ADAMTS3: variants seen among roughly 807,000 people sequenced by gnomAD.
The protein encoded by ADAMTS3 is A disintegrin and metalloproteinase with thrombospondin motifs 3.
In ADAMTS3, 73 loss-of-function variants were observed where a neutral mutation model predicts 129.0. The observed-to-expected ratio is 0.57, with a 90% confidence interval of 0.47 to 0.69. ADAMTS3 has a LOEUF of 0.69. ADAMTS3 is among the 30% of genes least tolerant of loss of function. The pLI, the probability that ADAMTS3 is intolerant of heterozygous loss-of-function variation, is 0.00. For synonymous variants in ADAMTS3, 477 were observed against 510.8 expected, an observed-to-expected ratio of 0.93 and a Z score of 0.89; for missense variants, 1,457 against 1,514.5, an observed-to-expected ratio of 0.96 and a Z score of 0.63.
At chr4:72,317,858 C>A (rs185824765) in intron 10 of ADAMTS3, among the ~76,000 whole-genome samples, 20 of 151,980 alleles carry the variant, frequency 1.3e-4, no homozygotes, top group African/African-American at 4.8e-4. Flanking sequence ...AAAACCCCGT[C>A]TCTACTAAAA....
intron 4 of ADAMTS3, among the ~76,000 whole-genome samples, chr4:72,401,961 G>A (rs186823902): frequency 2.0e-5 from 3 of 152,072 alleles, no homozygotes; most frequent in Non-Finnish European, 4.4e-5. Flanking sequence ...AAATATTTAC[G>A]TAACAATAAT....
Position 72,304,020 on chromosome 4 carries a change from G to C in ADAMTS3, c.2321C>G (p.Ser774Trp). ...ILNGKGEEAKSRTFIDLGVEW... is the reference protein window; with the variant it reads ...ILNGKGEEAKWRTFIDLGVEW... ...CACACCAAGATCTATGAAGGTCCGCGACTTGGCTTCCTCCCCTTTGCCATT... is the reference window on the plus strand; with the variant it reads ...CACACCAAGATCTATGAAGGTCCGCCACTTGGCTTCCTCCCCTTTGCCATT... The change falls in exon 17 of 22, where the codon TCG (serine) becomes TGG (tryptophan). Residue 774 changes from serine (S) to tryptophan (W), a missense_variant. Transcript: ENST00000286657. The C allele has an allele frequency of 6.2e-7, 1 of 1,613,678 alleles. No individual in the cohort carries two copies. Among genetic ancestry groups the C allele is most frequent in the Non-Finnish European group, 8.5e-7 (1 of 1,179,716 alleles).
Position 72,339,495 on chromosome 4 carries a change from A to G in ADAMTS3, c.860T>C (p.Ile287Thr), listed in dbSNP as rs749461905. Residue 287 changes from isoleucine (I) to threonine (T), a missense_variant and splice_region_variant, in exon 5 of 22, where the codon ATT (isoleucine) becomes ACT (threonine). Coordinates refer to ENST00000286657, the MANE Select transcript of ADAMTS3 (RefSeq NM_014243.3). ...CTTTAAAAAGGAGTCACTACTCACAATGTTCATTAGGGTCAGGAGGTAGTT... is the reference window on the plus strand; with the variant it reads ...CTTTAAAAAGGAGTCACTACTCACAGTGTTCATTAGGGTCAGGAGGTAGTT... ...VQNYLLTLMNIVNEIYHDESL... is the reference protein window; with the variant it reads ...VQNYLLTLMNTVNEIYHDESL... The G allele has an allele frequency of 1.5e-5, 24 of 1,613,698 alleles. No individual in the cohort carries two copies. The highest frequency in any genetic ancestry group is 1.6e-5 in the Non-Finnish European group (19 of 1,179,778).
chr4:72,411,672 C>G (rs1722188309), intron 4 of ADAMTS3, among the ~76,000 whole-genome samples: 1 of 152,110 alleles, frequency 6.6e-6, no homozygotes, highest in African/African-American at 2.4e-5. Flanking sequence ...TGAAAATTCA[C>G]TCAGTGTTCT....
intron 5 of ADAMTS3, among the ~76,000 whole-genome samples, chr4:72,333,985 C>G (rs1719921337): frequency 6.6e-6 from 1 of 150,752 alleles, no homozygotes; most frequent in African/African-American, 2.4e-5. Context: ...TCCTGAGTAG[C>G]TGGGACTACA....
chr4:72,426,113 T>C (rs989941614), intron 3 of ADAMTS3, among the ~76,000 whole-genome samples: 4 of 152,244 alleles, frequency 2.6e-5, no homozygotes, highest in Non-Finnish European at 4.4e-5. Flanking sequence ...CATGTCTCTG[T>C]TGGCTGCATA....
chr4:72,421,067 A>G (rs1315009027), intron 3 of ADAMTS3, among the ~76,000 whole-genome samples: 1 of 152,248 alleles, frequency 6.6e-6, no homozygotes, highest in Non-Finnish European at 1.5e-5. Flanking sequence ...AATCCTAGGA[A>G]ATGTCCATAT....
intron 3 of ADAMTS3, among the ~76,000 whole-genome samples, chr4:72,504,691 T>C (rs1424295599): frequency 6.6e-6 from 1 of 152,156 alleles, no homozygotes; most frequent in African/African-American, 2.4e-5. Flanking sequence ...CTACCTCCTC[T>C]CAGAAACACC....
Position 72,453,671 on chromosome 4 carries a change from G to T in ADAMTS3, c.505-38700C>A, listed in dbSNP as rs553447821. On this transcript the variant is annotated intron_variant, in intron 3 of 21. Transcript: ENST00000286657. ...AAGTAACACAAATACAAAGTGCTAT[G>T]GTCCCAGTATATAGAGGCCATCCTC... Among the ~76,000 whole-genome samples, 16 of 151,606 alleles carry T rather than the reference G, an allele frequency of 1.1e-4. No homozygotes were observed. In the East Asian group the frequency reaches 2.9e-3, roughly 28 times the overall value.
At chr4:72,518,348 T>C (rs1720555223) in intron 3 of ADAMTS3, among the ~76,000 whole-genome samples, 1 of 152,202 alleles carries the variant, frequency 6.6e-6, no homozygotes, top group Non-Finnish European at 1.5e-5. Flanking sequence ...AGATGTCTAT[T>C]AGGTACACTT....
chr4:72,505,929 T>C (rs564680350), intron 3 of ADAMTS3, among the ~76,000 whole-genome samples: 21 of 152,240 alleles, frequency 1.4e-4, no homozygotes, highest in Non-Finnish European at 2.9e-4. Flanking sequence ...GGAGTGGAGA[T>C]GGTGTCCCTG....
intron 3 of ADAMTS3, among the ~76,000 whole-genome samples, chr4:72,486,179 TTC>T (rs1719587411): frequency 2.0e-5 from 3 of 152,188 alleles, no homozygotes; most frequent in Admixed American, 2.0e-4. Flanking sequence ...TAAATATCAT[TTC>T]TGTTTTATAA....
At chr4:72,505,387 T>A (rs760552804) in intron 3 of ADAMTS3, among the ~76,000 whole-genome samples, 1 of 152,148 alleles carries the variant, frequency 6.6e-6, no homozygotes, top group African/African-American at 2.4e-5. Context: ...TACTGGGGTA[T>A]GCAATTTGAC....
intron 4 of ADAMTS3, among the ~76,000 whole-genome samples, chr4:72,368,254 A>G (rs1194760502): frequency 6.6e-6 from 1 of 152,198 alleles, no homozygotes; most frequent in African/African-American, 2.4e-5. Context: ...TCCCGAAGCC[A>G]TTAGTTTTCG....
chr4:72,515,843 A>G (rs1223020927), intron 3 of ADAMTS3, among the ~76,000 whole-genome samples: 1 of 152,078 alleles, frequency 6.6e-6, no homozygotes, highest in Non-Finnish European at 1.5e-5. Context: ...TAGTTTAGTT[A>G]GATCCCATTT....
chr4:72,550,681 G>A (rs936914424), intron 2 of ADAMTS3, among the ~76,000 whole-genome samples: 8 of 152,104 alleles, frequency 5.3e-5, no homozygotes, highest in African/African-American at 1.9e-4. Context: ...CAAGAAGGTT[G>A]TGAGGAAGAT....
chr4:72,346,020 A>G (rs757926142), intron 4 of ADAMTS3, among the ~76,000 whole-genome samples: 14 of 152,076 alleles, frequency 9.2e-5, no homozygotes, highest in Non-Finnish European at 2.1e-4. Context: ...TAATCCATCA[A>G]TAGGTCATCA....
At chr4:72,568,323 C>T (rs879532157) in intron 1 of ADAMTS3, among the ~76,000 whole-genome samples, 40 of 152,252 alleles carry the variant, frequency 2.6e-4, no homozygotes, top group Admixed American at 2.3e-3. Context: ...GATCCCGGAC[C>T]CAGCGTCCAG....
Position 72,315,866 on chromosome 4 carries a change from C to A in ADAMTS3, c.1591G>T (p.Ala531Ser), listed in dbSNP as rs773042618. 1 of 1,595,156 alleles carries A rather than the reference C, an allele frequency of 6.3e-7. No homozygotes were observed. The highest frequency in any genetic ancestry group is 1.1e-5 in the South Asian group (1 of 89,582). Residue 531 changes from alanine (A) to serine (S), a missense_variant, in exon 11 of 22, where the codon GCT becomes TCT. Physicochemically the swap from Ala to Ser is moderately conservative, Grantham distance 99. Transcript: ENST00000286657. Reference protein sequence around the residue: ...GPPLDGTECAAGKWCYKGHCM... With the variant: ...GPPLDGTECASGKWCYKGHCM... ...TAAATAGATATACTCACTTTTCCAG[C>A]AGCACATTCAGTCCCATCAAGTGGA... is the stretch of plus-strand genomic sequence containing the variant.
Sources: allele counts gnomAD v4.1 joint callset (sites outside exome capture counted in the v4.1 genomes callset), GRCh38; gene constraint gnomAD v4.1.1; transcripts MANE v1.5; gene names NCBI Gene and HGNC (gene_info 2026-07-23, HGNC 2026-07-21).